The following SANBR variants were observed in gnomAD, a reference collection of about 807,000 sequenced individuals.
The protein encoded by SANBR is SANT and BTB domain regulator of class switch recombination.
SANBR carries 77 observed loss-of-function variants against 101.8 expected under a neutral mutation model. The ratio of observed to expected loss-of-function variants is 0.76; its 90% CI spans 0.63 to 0.91. The LOEUF (loss-of-function observed/expected upper bound fraction) is 0.91, where lower values mean the gene tolerates loss of function less well. SANBR is among the 40% of genes least tolerant of loss of function. SANBR has a pLI of 0.00. For missense variants in SANBR, 875 were observed against 853.0 expected (o/e 1.03, Z -0.32); for synonymous variants, 279 against 274.7 (o/e 1.02, Z -0.15).
chr2:61,106,530 C>T, intron 13 of SANBR, 33 bp from the exon 14 acceptor site: 1 of 1,373,028 alleles, frequency 7.3e-7, no homozygotes, highest in Non-Finnish European at 1.0e-6. Context: ...AGAAAGTAAA[C>T]TCTTCTCCGT....
At chr2:61,087,307 G>A (rs962519343) in intron 8 of SANBR, among the ~76,000 whole-genome samples, 10 of 152,120 alleles carry the variant, frequency 6.6e-5, no homozygotes, top group South Asian at 2.1e-4. Context: ...TGTAATCTCA[G>A]CACTTCGGGA....
downstream of SANBR, among the ~76,000 whole-genome samples, chr2:61,126,584 C>T (rs902185709): frequency 5.3e-5 from 8 of 151,950 alleles, no homozygotes; most frequent in East Asian, 1.9e-4. Context: ...GGCCAGATCA[C>T]GAGGTCAGGA....
Position 61,071,647 on chromosome 2 carries a change from G to A in SANBR, c.192G>A (p.Ser64=), listed in dbSNP as rs771456748. 9.5e-6 allele frequency: 15 copies of A among 1,581,336 alleles called. No individual in the cohort carries two copies. Among genetic ancestry groups the A allele is most frequent in the East Asian group, 4.6e-5 (2 of 43,188 alleles). The stretch of plus-strand genomic sequence containing the variant: ...ATGAATTAAAGAGCAGTGGAAGCTC[G>A]CCTGTTGACAACCAGTATAATTCCC... ...RFDELKSSGS[S]PVDNQYNSLM... The change falls in exon 4 of 22, where the codon TCG becomes TCA. Residue 64 remains serine, a synonymous_variant. Coordinates refer to ENST00000402291, the MANE Select transcript of SANBR (RefSeq NM_001129993.3).
intron 6 of SANBR, among the ~76,000 whole-genome samples, chr2:61,078,429 C>CT (rs35240642): frequency 0.023 from 3,386 of 149,056 alleles, 135 homozygotes; most frequent in African/African-American, 0.078. Flanking sequence ...ACTCTTTACT[C>CT]TTTTTTTTTT....
intron 3 of SANBR, among the ~76,000 whole-genome samples, chr2:61,070,747 A>G (rs1681421744): frequency 6.8e-6 from 1 of 147,256 alleles, no homozygotes; most frequent in Non-Finnish European, 1.5e-5. Flanking sequence ...ATATATAAAT[A>G]TATATTTTAT....
At chr2:61,092,400 T>G in intron 10 of SANBR, 64 bp from the exon 11 acceptor site, 24 of 1,247,796 alleles carry the variant, frequency 1.9e-5, no homozygotes, top group Non-Finnish European at 2.6e-5. Flanking sequence ...AGATAATAAT[T>G]AAATAAATAA....
intron 20 of SANBR, among the ~76,000 whole-genome samples, chr2:61,129,865 T>C (rs1490293565): frequency 3.3e-5 from 5 of 152,074 alleles, no homozygotes; most frequent in Non-Finnish European, 7.4e-5. Context: ...GCTATAAATA[T>C]ATTTTTTCTC....
At chr2:61,094,864 C>G (rs1682954214) in intron 11 of SANBR, among the ~76,000 whole-genome samples, 1 of 152,068 alleles carries the variant, frequency 6.6e-6, no homozygotes, top group Non-Finnish European at 1.5e-5. Context: ...AGGCTGGTCT[C>G]AAACTCCTGA....
chr2:61,068,134 G>A (rs1005184292), intron 1 of SANBR, among the ~76,000 whole-genome samples: 9 of 152,146 alleles, frequency 5.9e-5, no homozygotes, highest in African/African-American at 1.9e-4. Context: ...ATAATCCAGC[G>A]AGTTAAAGAG....
At chr2:61,115,042 T>C (rs1038022937) in intron 16 of SANBR, among the ~76,000 whole-genome samples, 2 of 152,210 alleles carry the variant, frequency 1.3e-5, no homozygotes, top group African/African-American at 2.4e-5. Context: ...TTTCAGGTTT[T>C]GATATCAGAG....
At position 61,109,461 on chromosome 2, in the gene SANBR, A is replaced by C. The variant is rs531264282; in HGVS notation, c.1744+165A>C. ...TCAAGATTTCCTAACCCGGGCATGA[A>C]CACAAAATACTCAAAGCTGTAAAGA... On this transcript the variant is annotated intron_variant, in intron 16 of 21. Coordinates refer to ENST00000402291, the MANE Select transcript of SANBR (RefSeq NM_001129993.3). Among the ~76,000 whole-genome samples the C allele has an allele frequency of 2.0e-5, 3 of 152,190 alleles. No homozygotes were observed. The East Asian group carries it at 5.8e-4, about 29-fold the overall frequency.
intron 1 of SANBR, 110 bp downstream of exon 1, chr2:61,066,137 C>A (rs931987156): frequency 3.9e-5 from 6 of 152,208 alleles, no homozygotes; most frequent in Non-Finnish European, 7.3e-5. Context: ...CCACCCCGGG[C>A]GGGGTCCCAC....
intron 11 of SANBR, among the ~76,000 whole-genome samples, chr2:61,095,595 A>T (rs1682992497): frequency 6.6e-6 from 1 of 152,156 alleles, no homozygotes; most frequent in Non-Finnish European, 1.5e-5. Context: ...TTTTGTTTTT[A>T]TTTGAATTAT....
chr2:61,134,848 C>A (rs1468077955), intron 21 of SANBR, among the ~76,000 whole-genome samples: 1 of 151,748 alleles, frequency 6.6e-6, no homozygotes, highest in Admixed American at 6.6e-5. Flanking sequence ...GAGCTGAGAT[C>A]GCGCCACTGC....
rs1485972075 is a variant in SANBR at position 61,122,680 on chromosome 2, A to G, written c.*518A>G. The G allele has an allele frequency of 1.8e-5, 18 of 985,870 alleles. No homozygotes were observed. Among genetic ancestry groups the G allele is most frequent in the Non-Finnish European group, 3.6e-6 (3 of 830,256 alleles). 61.1% of individuals were successfully genotyped at this position (985,870 alleles called of 1,614,324 possible). On this transcript the variant is annotated 3_prime_UTR_variant, in exon 22 of 22. Coordinates refer to ENST00000402291, the MANE Select transcript of SANBR (RefSeq NM_001129993.3). Reference sequence around the variant, plus strand: ...AAGGAGTGACAGGTCTCAAGACTGCATTAAATGAAGTTTCAGGGTAAGGTA... The same window carrying G: ...AAGGAGTGACAGGTCTCAAGACTGCGTTAAATGAAGTTTCAGGGTAAGGTA...
In SANBR at chr2:61,092,685, C is replaced by T. The variant is rs79840818; in HGVS notation, c.1212+98C>T. 2.0e-5 allele frequency: 20 copies of T among 982,148 alleles called. No individual in the cohort carries two copies. The African/African-American group carries it at 3.0e-4, about 15-fold the overall frequency. The allele number at this position is 982,148 out of a possible 1,614,324, so 60.8% of individuals were successfully genotyped here. On this transcript the variant is annotated intron_variant, in intron 11 of 21. Transcript: ENST00000402291. Reference sequence around the variant, plus strand: ...ATTGATATGTTTAAATGTGTTTTGACAATATCCAACATCTTTTTAAAGAAA... The same window carrying T: ...ATTGATATGTTTAAATGTGTTTTGATAATATCCAACATCTTTTTAAAGAAA...
chr2:61,119,458 A>G (rs1684233695), intron 20 of SANBR, among the ~76,000 whole-genome samples: 1 of 152,230 alleles, frequency 6.6e-6, no homozygotes, highest in Non-Finnish European at 1.5e-5. Flanking sequence ...ATGAGAAAAT[A>G]TGTGTAAAAC....
chr2:61,071,596 A>G lies in SANBR; in HGVS notation c.151-10A>G. On this transcript the variant is annotated splice_polypyrimidine_tract_variant and intron_variant, in intron 3 of 21. Coordinates refer to ENST00000402291, the MANE Select transcript of SANBR (RefSeq NM_001129993.3). The stretch of plus-strand genomic sequence containing the variant: ...CAAACCTCTGTTTCTTTCATTTTAT[A>G]TTATGACAGTGTGCAAAAAGGTTTG... 1 of 1,519,698 alleles carries G rather than the reference A, an allele frequency of 6.6e-7. No homozygotes were observed. Among genetic ancestry groups the G allele is most frequent in the Non-Finnish European group, 8.8e-7 (1 of 1,137,334 alleles). 94.1% of individuals were successfully genotyped at this position (1,519,698 alleles called of 1,614,324 possible). A position where few individuals can be genotyped will look rare whatever the true frequency, so the allele number is the denominator to read the frequency against.
intron 8 of SANBR, among the ~76,000 whole-genome samples, chr2:61,085,194 C>T (rs887456074): frequency 1.3e-5 from 2 of 152,160 alleles, no homozygotes; most frequent in African/African-American, 4.8e-5. Context: ...AACCATGGAA[C>T]TGGATGAGAC....
Sources: allele counts gnomAD v4.1 joint callset (sites outside exome capture counted in the v4.1 genomes callset), GRCh38; gene constraint gnomAD v4.1.1; transcripts MANE v1.5; gene names NCBI Gene and HGNC (gene_info 2026-07-23, HGNC 2026-07-21).